Variants in PON3 observed in about 807,000 individuals in gnomAD.
The protein encoded by PON3 is serum paraoxonase/lactonase 3.
Under a neutral mutation model 36.3 loss-of-function variants are expected in PON3, and 37 were observed. The observed-to-expected ratio is 1.02, with a 90% CI of 0.78 to 1.34. The LOEUF is 1.34. PON3 is among the 40% of genes most tolerant of loss of function. The pLI, the probability that PON3 is intolerant of heterozygous loss-of-function variation, is 0.00. For missense variants in PON3, 415 were observed against 426.5 expected, an observed-to-expected ratio of 0.97 and a Z score of 0.24; for synonymous variants, 155 against 154.8, an observed-to-expected ratio of 1.00 and a Z score of -0.01.
chr7:95,395,500 A>ATTAT (rs1809409606), intron 1 of PON3, among the ~76,000 whole-genome samples: 1 of 152,162 alleles, frequency 6.6e-6, no homozygotes, highest in Non-Finnish European at 1.5e-5. Context: ...CTCAAACTGG[A>ATTAT]AGTATTACTA....
At chr7:95,360,851 C>T (rs1808551261) in intron 8 of PON3, among the ~76,000 whole-genome samples, 2 of 151,746 alleles carry the variant, frequency 1.3e-5, no homozygotes, top group Admixed American at 1.3e-4. Context: ...AGAGTTTGTT[C>T]TTTTTTTTAT....
chr7:95,394,832 A>G (rs1809394464), intron 1 of PON3, 118 bp from the exon 2 acceptor site: 2 of 823,564 alleles, frequency 2.4e-6, no homozygotes, highest in Non-Finnish European at 4.2e-6. Context: ...TTTATGAATG[A>G]CATAACAAGT....
At chr7:95,389,501 C>G (rs897383338) in intron 3 of PON3, among the ~76,000 whole-genome samples, 1 of 152,104 alleles carries the variant, frequency 6.6e-6, no homozygotes, top group African/African-American at 2.4e-5. Context: ...ATTGATTTAA[C>G]AAATATTAAT....
At chr7:95,366,648 T>C (rs958160234) in intron 5 of PON3, among the ~76,000 whole-genome samples, 3 of 152,242 alleles carry the variant, frequency 2.0e-5, no homozygotes, top group Non-Finnish European at 4.4e-5. Flanking sequence ...GAAAAGCCTG[T>C]TATTTTAATG....
rs191297179 is a variant in PON3, at chr7:95,377,228, C to T, written c.202-4890G>A. Among the ~76,000 whole-genome samples the T allele has an allele frequency of 1.7e-4, 26 of 152,224 alleles. No individual in the cohort carries two copies. The East Asian group carries it at 4.7e-3, about 27-fold the overall frequency. ...CCACCATTGCTGAGGCTTGAGTAGG[C>T]GGTTTTGTGCTCACAGTGTAAACAA... is the stretch of plus-strand genomic sequence containing the variant. On this transcript the variant is annotated intron_variant, in intron 3 of 8. Coordinates refer to ENST00000265627, the MANE Select transcript of PON3 (RefSeq NM_000940.3).
intron 6 of PON3, 113 bp from the exon 7 acceptor site, chr7:95,362,954 C>T (rs1808606917): frequency 2.7e-6 from 2 of 749,798 alleles, no homozygotes; most frequent in Non-Finnish European, 2.4e-6. Context: ...CCACTGCAAT[C>T]CTTTTCTAAA....
At chr7:95,394,881 G>T in intron 1 of PON3, 167 bp from the exon 2 acceptor site, 1 of 676,732 alleles carries the variant, frequency 1.5e-6, no homozygotes, top group Non-Finnish European at 2.7e-6. Context: ...ACATAATGTA[G>T]ACATTATGTG....
intron 1 of PON3, among the ~76,000 whole-genome samples, chr7:95,395,448 T>TA (rs1809407729): frequency 6.6e-6 from 1 of 152,194 alleles, no homozygotes; most frequent in Non-Finnish European, 1.5e-5. Flanking sequence ...ATTTTATGAT[T>TA]CTCCATGTGG....
chr7:95,383,906 A>C (rs1809123670), intron 3 of PON3, among the ~76,000 whole-genome samples: 1 of 152,208 alleles, frequency 6.6e-6, no homozygotes, highest in Admixed American at 6.6e-5. Flanking sequence ...GTCAACCCTA[A>C]GCTAAGAGAA....
chr7:95,386,614 C>T (rs1187244763), intron 3 of PON3, among the ~76,000 whole-genome samples: 1 of 151,940 alleles, frequency 6.6e-6, no homozygotes, highest in Non-Finnish European at 1.5e-5. Flanking sequence ...AGAAGGAATC[C>T]TCCATAACTC....
intron 3 of PON3, among the ~76,000 whole-genome samples, chr7:95,375,825 G>A (rs896677458): frequency 6.6e-6 from 1 of 152,202 alleles, no homozygotes; most frequent in African/African-American, 2.4e-5. Flanking sequence ...ATGACTGTAA[G>A]CAATTCTTTT....
chr7:95,374,573 T>C (rs896813916), intron 3 of PON3, among the ~76,000 whole-genome samples: 1 of 152,190 alleles, frequency 6.6e-6, no homozygotes, highest in Non-Finnish European at 1.5e-5. Flanking sequence ...CCCCTCACCA[T>C]CAAATTTCTT....
intron 3 of PON3, among the ~76,000 whole-genome samples, chr7:95,384,646 T>C (rs1809145721): frequency 6.6e-6 from 1 of 151,974 alleles, no homozygotes; most frequent in South Asian, 2.1e-4. Context: ...AAAACCACAG[T>C]GGGATACCAT....
intron 3 of PON3, among the ~76,000 whole-genome samples, chr7:95,384,522 A>T (rs558514657): frequency 2.6e-5 from 4 of 152,156 alleles, no homozygotes; most frequent in Non-Finnish European, 5.9e-5. Flanking sequence ...AAAACACCCC[A>T]CCAAAAAGTG....
intron 3 of PON3, among the ~76,000 whole-genome samples, chr7:95,385,889 C>A (rs1809178177): frequency 6.6e-6 from 1 of 152,050 alleles, no homozygotes. Context: ...CACAATGTAC[C>A]AGAATCTCTG....
At chr7:95,386,785 C>A (rs917849397) in intron 3 of PON3, among the ~76,000 whole-genome samples, 1 of 152,126 alleles carries the variant, frequency 6.6e-6, no homozygotes, top group Admixed American at 6.5e-5. Flanking sequence ...AGCTTATCCA[C>A]CATGATCAAG....
intron 5 of PON3, chr7:95,365,938 A>C (rs1458240738): frequency 6.7e-6 from 1 of 149,712 alleles, no homozygotes; most frequent in Non-Finnish European, 1.5e-5. Flanking sequence ...GCATGATTTT[A>C]TCTTTACTAA....
At chr7:95,382,269 A>AACCTAACATCACAAT (rs1809075931) in intron 3 of PON3, among the ~76,000 whole-genome samples, 1 of 152,232 alleles carries the variant, frequency 6.6e-6, no homozygotes, top group Non-Finnish European at 1.5e-5. Flanking sequence ...TAAAATCGAC[A>AACCTAACATCACAAT]ACCTAACATC....
chr7:95,385,706 C>T (rs1349069734), intron 3 of PON3, among the ~76,000 whole-genome samples: 1 of 151,470 alleles, frequency 6.6e-6, no homozygotes, highest in Non-Finnish European at 1.5e-5. Context: ...GAACAGAAAT[C>T]ACAAACTGTC....
Sources: gnomAD v4.1 joint callset for allele counts (sites outside exome capture counted in the v4.1 genomes callset) on GRCh38, gnomAD v4.1.1 for gene constraint, MANE v1.5 for transcripts, NCBI Gene and HGNC (gene_info 2026-07-23, HGNC 2026-07-21) for gene names.